Variants in SH3RF3 observed in about 807,000 individuals in gnomAD.
SH3RF3 encodes the protein E3 ubiquitin-protein ligase SH3RF3.
In SH3RF3, 29 loss-of-function variants were observed where a neutral mutation model predicts 66.3. That is an observed-to-expected ratio of 0.44 (90% CI 0.33 to 0.60). The LOEUF (loss-of-function observed/expected upper bound fraction) is 0.60, where lower values mean the gene tolerates loss of function less well. Ranked by LOEUF, SH3RF3 falls within the 20% of genes least tolerant of loss-of-function variation. SH3RF3 has a pLI of 0.04. For synonymous variants in SH3RF3, 583 were observed against 532.0 expected, an observed-to-expected ratio of 1.10 and a Z score of -1.32; for missense variants, 1,194 against 1,190.9, an observed-to-expected ratio of 1.00 and a Z score of -0.04.
intron 1 of SH3RF3, among the ~76,000 whole-genome samples, chr2:109,202,211 C>A (rs752315578): frequency 2.0e-5 from 3 of 152,304 alleles, no homozygotes; most frequent in Admixed American, 1.3e-4. Context: ...GTTTCCCAAG[C>A]CACCTGTGGA....
At chr2:109,447,800 A>AT (rs1348844368) in intron 7 of SH3RF3, among the ~76,000 whole-genome samples, 1 of 152,196 alleles carries the variant, frequency 6.6e-6, no homozygotes, top group African/African-American at 2.4e-5. Context: ...ATCTTTTCAT[A>AT]TGGGAGATTT....
At chr2:109,138,974 TAA>T (rs1477025850) in intron 1 of SH3RF3, among the ~76,000 whole-genome samples, 1 of 152,180 alleles carries the variant, frequency 6.6e-6, no homozygotes, top group Non-Finnish European at 1.5e-5. Flanking sequence ...TGACATGTGG[TAA>T]TAAGAGACAT....
rs187816491 is a variant in SH3RF3, at chr2:109,360,017, G to A, written c.850-11569G>A. Among the ~76,000 whole-genome samples the A allele has an allele frequency of 1.2e-3, 180 of 150,894 alleles. 1 individual carries two copies. Among genetic ancestry groups the A allele is most frequent in the African/African-American group, 4.2e-3 (171 of 41,046 alleles). On this transcript the variant is annotated intron_variant, in intron 2 of 9. Transcript: ENST00000309415. The stretch of plus-strand genomic sequence containing the variant: ...AGCAGAATGTTTCCTCATCCACAGA[G>A]GACCCACTTACTGGTCCCTTAACCA...
intron 1 of SH3RF3, among the ~76,000 whole-genome samples, chr2:109,330,740 G>A (rs1682264073): frequency 6.6e-6 from 1 of 152,114 alleles, no homozygotes; most frequent in Non-Finnish European, 1.5e-5. Context: ...TGGAGAGATG[G>A]GTGGATAAAG....
At chr2:109,166,459 GAA>G (rs386390872) in intron 1 of SH3RF3, among the ~76,000 whole-genome samples, 1 of 134,290 alleles carries the variant, frequency 7.4e-6, no homozygotes, top group African/African-American at 2.8e-5. Context: ...CCTGGTGACA[GAA>G]AAAAAAAAAA....
At chr2:109,430,999 G>T (rs1225631135) in intron 5 of SH3RF3, among the ~76,000 whole-genome samples, 3 of 152,210 alleles carry the variant, frequency 2.0e-5, no homozygotes, top group Non-Finnish European at 2.9e-5. Flanking sequence ...GTTCGAAAAG[G>T]GGGGCAGATT....
chr2:109,296,487 C>T (rs987883024), intron 1 of SH3RF3, among the ~76,000 whole-genome samples: 1 of 152,038 alleles, frequency 6.6e-6, no homozygotes. Context: ...AGTGATCCAC[C>T]CGCTTCAGCC....
chr2:109,476,949 C>T (rs974941115), intron 8 of SH3RF3, among the ~76,000 whole-genome samples: 1 of 152,240 alleles, frequency 6.6e-6, no homozygotes, highest in African/African-American at 2.4e-5. Context: ...TCACCCTCAT[C>T]ACCACCTTGG....
At chr2:109,137,671 GAA>G (rs1336262282) in intron 1 of SH3RF3, among the ~76,000 whole-genome samples, 1 of 152,342 alleles carries the variant, frequency 6.6e-6, no homozygotes, top group East Asian at 1.9e-4. Flanking sequence ...ATACTGGAGA[GAA>G]AGAGGAAAGA....
At chr2:109,265,117 A>AATAGG (rs780263968) in intron 1 of SH3RF3, among the ~76,000 whole-genome samples, 1 of 152,088 alleles carries the variant, frequency 6.6e-6, no homozygotes, top group African/African-American at 2.4e-5. Context: ...GGCGTTGCGA[A>AATAGG]ATAGGATGGT....
At chr2:109,414,225 G>A (rs991673637) in intron 4 of SH3RF3, among the ~76,000 whole-genome samples, 1 of 152,150 alleles carries the variant, frequency 6.6e-6, no homozygotes, top group African/African-American at 2.4e-5. Context: ...CAACGATCAC[G>A]AGCCTTTGTT....
Position 109,129,347 on chromosome 2 carries a change from GCC to G in SH3RF3, c.-193_-192del. The G allele has an allele frequency of 1.2e-6, 1 of 807,240 alleles. No individual in the cohort carries two copies. The highest frequency in any genetic ancestry group is 3.4e-4 in the Middle Eastern group (1 of 2,902). The allele number at this position is 807,240 out of a possible 1,614,324, so 50.0% of individuals were successfully genotyped here. On this transcript the variant is annotated 5_prime_UTR_variant, in exon 1 of 10. Transcript: ENST00000309415. ...CGGCTGGCCGGTCCCCGCCACGCAGGCCGGTCCCCGCCACGCAGGCCGGTCGG... is the reference window on the plus strand; with the variant it reads ...CGGCTGGCCGGTCCCCGCCACGCAGGGGTCCCCGCCACGCAGGCCGGTCGG...
intron 8 of SH3RF3, among the ~76,000 whole-genome samples, chr2:109,463,533 G>A (rs143005219): frequency 3.3e-5 from 5 of 152,304 alleles, no homozygotes; most frequent in East Asian, 3.9e-4. Flanking sequence ...GGTGAAAGGC[G>A]TGTCCTCTGG....
At chr2:109,171,958 C>T (rs1363120074) in intron 1 of SH3RF3, among the ~76,000 whole-genome samples, 2 of 152,218 alleles carry the variant, frequency 1.3e-5, no homozygotes, top group African/African-American at 4.8e-5. Flanking sequence ...CTGTGGTGAG[C>T]TTGTTTATTT....
Position 109,417,443 on chromosome 2 carries a change from G to T in SH3RF3, c.1300-2096G>T, listed in dbSNP as rs144296146. Among the ~76,000 whole-genome samples, 12 of 152,260 alleles carry T rather than the reference G, an allele frequency of 7.9e-5. No individual in the cohort carries two copies. In the East Asian group the frequency reaches 2.3e-3, roughly 29 times the overall value. ...AGACAGAAGACCCTGGAATCCATCC[G>T]TGGGAAGGAATGCCCCCTTCCAGCC... On this transcript the variant is annotated intron_variant, in intron 4 of 9. Coordinates refer to ENST00000309415, the MANE Select transcript of SH3RF3 (RefSeq NM_001099289.3).
intron 1 of SH3RF3, among the ~76,000 whole-genome samples, chr2:109,214,956 G>A (rs1189038376): frequency 6.6e-6 from 1 of 152,232 alleles, no homozygotes; most frequent in African/African-American, 2.4e-5. Context: ...GCTGAGGAGA[G>A]AAGGGGCACG....
At chr2:109,153,395 A>G (rs545425290) in intron 1 of SH3RF3, among the ~76,000 whole-genome samples, 1 of 152,188 alleles carries the variant, frequency 6.6e-6, no homozygotes, top group African/African-American at 2.4e-5. Flanking sequence ...TGGAAAGGCA[A>G]TTACGCTGAT....
intron 1 of SH3RF3, among the ~76,000 whole-genome samples, chr2:109,345,842 G>A (rs1357744498): frequency 6.6e-6 from 1 of 152,178 alleles, no homozygotes; most frequent in Admixed American, 6.5e-5. Flanking sequence ...ATTCTTTGTG[G>A]CAGAGGCTGT....
intron 2 of SH3RF3, among the ~76,000 whole-genome samples, chr2:109,353,756 CAA>C (rs1490517819): frequency 6.6e-6 from 1 of 152,208 alleles, no homozygotes; most frequent in Non-Finnish European, 1.5e-5. Context: ...GACGTGGAGA[CAA>C]GACGAGAGAG....
Sources: gnomAD v4.1 joint callset for allele counts (sites outside exome capture counted in the v4.1 genomes callset) on GRCh38, gnomAD v4.1.1 for gene constraint, MANE v1.5 for transcripts, NCBI Gene and HGNC (gene_info 2026-07-23, HGNC 2026-07-21) for gene names.